The following CCDC150 variants were observed in gnomAD, a reference collection of about 807,000 sequenced individuals.
CCDC150 encodes the protein coiled-coil domain containing 150.
A neutral mutation model predicts 156.5 loss-of-function variants in CCDC150; 151 were observed. The ratio of observed to expected loss-of-function variants is 0.97; its 90% confidence interval spans 0.85 to 1.10. CCDC150 has a LOEUF of 1.10. Ranked by LOEUF, CCDC150 falls within the 50% of genes least tolerant of loss-of-function variation. The pLI, the probability that CCDC150 is intolerant of heterozygous loss-of-function variation, is 0.00. For missense variants in CCDC150, 1,312 were observed against 1,268.1 expected, an observed-to-expected ratio of 1.03 and a Z score of -0.53; for synonymous variants, 452 against 429.4, an observed-to-expected ratio of 1.05 and a Z score of -0.65.
intron 9 of CCDC150, among the ~76,000 whole-genome samples, chr2:196,672,819 G>C (rs1694286131): frequency 6.6e-6 from 1 of 152,164 alleles, no homozygotes; most frequent in African/African-American, 2.4e-5. Flanking sequence ...TAATTATACA[G>C]TAGGAACCTA....
chr2:196,641,894 A>T (rs1692252394), intron 1 of CCDC150, among the ~76,000 whole-genome samples: 1 of 152,088 alleles, frequency 6.6e-6, no homozygotes, highest in Admixed American at 6.5e-5. Flanking sequence ...GTAGGAATGG[A>T]GCCTGTGTCC....
rs1449000757 is a variant in CCDC150 at position 196,732,630 on chromosome 2, G to T, written c.*68G>T. 2.8e-6 allele frequency: 3 copies of T among 1,084,918 alleles called. No individual in the cohort carries two copies. Among genetic ancestry groups the T allele is most frequent in the East Asian group, 2.4e-5 (1 of 42,254 alleles). The allele number at this position is 1,084,918 out of a possible 1,614,324, so 67.2% of individuals were successfully genotyped here. The stretch of plus-strand genomic sequence containing the variant: ...TGATTCCAAGAGCCCAGCAGCCGGG[G>T]CTGGCCTGTTTCTAGAGTCATAAGA... On this transcript the variant is annotated 3_prime_UTR_variant, in exon 28 of 28. Transcript: ENST00000389175.
chr2:196,666,655 C>CT (rs1304971755), intron 6 of CCDC150, 64 bp from the exon 7 acceptor site: 19 of 1,356,514 alleles, frequency 1.4e-5, no homozygotes, highest in Non-Finnish European at 1.7e-5. Context: ...TATACATGTG[C>CT]TATAAGGCAG....
rs780858755 is a variant in CCDC150, at chr2:196,729,460, G to A, written c.2751+73G>A. ...TAGTCAGTCAATGGTGTCTAGGGAA[G>A]ACAGGTTTTAGAACCCTAGCAGCCC... On this transcript the variant is annotated intron_variant, in intron 23 of 27. Transcript: ENST00000389175. 23 of 1,471,928 alleles carry A rather than the reference G, an allele frequency of 1.6e-5. No homozygotes were observed. The African/African-American group carries it at 2.1e-4, about 13-fold the overall frequency. 91.2% of individuals were successfully genotyped at this position (1,471,928 alleles called of 1,614,324 possible).
chr2:196,676,966 C>T (rs766520713), intron 12 of CCDC150: 2 of 641,490 alleles, frequency 3.1e-6, no homozygotes, highest in Non-Finnish European at 5.7e-6. Context: ...GTAATTCACA[C>T]ATCCTGGTGT....
chr2:196,665,533 A>G (rs1025284090), intron 5 of CCDC150, 34 bp from the exon 6 acceptor site: 4 of 1,296,906 alleles, frequency 3.1e-6, no homozygotes, highest in East Asian at 2.4e-5. Context: ...AGTATGATCA[A>G]TTGGTCTTGC....
At position 196,712,203 on chromosome 2, in the gene CCDC150, A is replaced by G. The variant is rs781005190; in HGVS notation, c.1754A>G (p.Asn585Ser). 12 of 1,586,636 alleles carry G rather than the reference A, an allele frequency of 7.6e-6. No homozygotes were observed. Among genetic ancestry groups the G allele is most frequent in the Non-Finnish European group, 1.0e-5 (12 of 1,163,962 alleles). Residue 585 changes from asparagine (N) to serine (S), a missense_variant, in exon 16 of 28, where the codon AAT (asparagine) becomes AGT (serine). Asn to Ser is a conservative substitution (Grantham distance 46). Coordinates refer to ENST00000389175, the MANE Select transcript of CCDC150 (RefSeq NM_001080539.2). ...TCTTTTACTGACACCAGCTTACAGA[A>G]TGATCATCTACGCAAGATGAATAAG... ...VQSFTDTSLQNDHLRKMNKYL... is the reference protein window; with the variant it reads ...VQSFTDTSLQSDHLRKMNKYL...
chr2:196,660,730 A>G (rs145756439), intron 5 of CCDC150, among the ~76,000 whole-genome samples: 3 of 152,276 alleles, frequency 2.0e-5, no homozygotes, highest in African/African-American at 4.8e-5. Context: ...GTGTTATGCA[A>G]TTATTTTCCC....
chr2:196,732,343 C>T, intron 27 of CCDC150, 103 bp from the exon 28 acceptor site: 1 of 1,110,282 alleles, frequency 9.0e-7, no homozygotes, highest in Non-Finnish European at 1.3e-6. Flanking sequence ...AGATTAGAAT[C>T]ACTTGTCTTC....
intron 15 of CCDC150, among the ~76,000 whole-genome samples, chr2:196,701,528 G>C (rs1696206708): frequency 6.6e-6 from 1 of 152,194 alleles, no homozygotes; most frequent in South Asian, 2.1e-4. Flanking sequence ...AACAGACTCA[G>C]AGGCAATTGA....
intron 11 of CCDC150, 96 bp downstream of exon 11, chr2:196,676,363 T>G (rs936294712): frequency 6.7e-7 from 1 of 1,483,628 alleles, no homozygotes; most frequent in Non-Finnish European, 9.2e-7. Context: ...AATGAAAACA[T>G]TTGATTCTGC....
intron 13 of CCDC150, among the ~76,000 whole-genome samples, chr2:196,693,094 G>A (rs1019878323): frequency 2.0e-5 from 3 of 151,872 alleles, no homozygotes; most frequent in African/African-American, 2.4e-5. Flanking sequence ...TGTCTTTATT[G>A]GTTCAAAGTC....
chr2:196,642,957 G>A (rs1038238160), intron 1 of CCDC150, among the ~76,000 whole-genome samples: 4 of 152,112 alleles, frequency 2.6e-5, no homozygotes, highest in Non-Finnish European at 5.9e-5. Flanking sequence ...GGGCCAGGCT[G>A]GTCTGGAACT....
chr2:196,646,078 G>A (rs888892768), intron 1 of CCDC150, among the ~76,000 whole-genome samples: 26 of 152,322 alleles, frequency 1.7e-4, no homozygotes, highest in African/African-American at 6.3e-4. Flanking sequence ...TCTGTTTGAT[G>A]TCATTGTCAC....
chr2:196,709,184 T>C (rs985500580), intron 15 of CCDC150, among the ~76,000 whole-genome samples: 9 of 152,242 alleles, frequency 5.9e-5, no homozygotes, highest in African/African-American at 2.2e-4. Context: ...CCATATTTCT[T>C]GGAGGCTTTG....
At position 196,646,334 on chromosome 2, in the gene CCDC150, T is replaced by A. The variant is rs771097204; in HGVS notation, c.13-7T>A. 6.2e-7 allele frequency: 1 copy of A among 1,612,542 alleles called. No homozygotes were observed. The highest frequency in any genetic ancestry group is 8.5e-7 in the Non-Finnish European group (1 of 1,178,648). ...CTACCACACTAAGATTGTGACTGTA[T>A]TCTTAGGTACATATGGAAACTACAG... On this transcript the variant is annotated splice_region_variant and splice_polypyrimidine_tract_variant and intron_variant, in intron 1 of 27. Transcript: ENST00000389175.
At chr2:196,732,288 A>G (rs75295851) in intron 27 of CCDC150, 136 bp downstream of exon 27, 4 of 1,187,970 alleles carry the variant, frequency 3.4e-6, no homozygotes, top group Admixed American at 5.0e-5. Flanking sequence ...TAGGAAACCA[A>G]TTAATTTCTT....
intron 14 of CCDC150, among the ~76,000 whole-genome samples, chr2:196,697,701 A>T (rs968217278): frequency 1.3e-5 from 2 of 152,182 alleles, no homozygotes; most frequent in Admixed American, 1.3e-4. Flanking sequence ...ATAATAAAAA[A>T]CTTTAAAAAA....
intron 23 of CCDC150, 160 bp from the exon 24 acceptor site, chr2:196,729,633 T>A: frequency 1.5e-6 from 1 of 674,802 alleles, no homozygotes; most frequent in Non-Finnish European, 2.6e-6. Context: ...GTACTGGACT[T>A]TGCTCTTTTG....
Sources: gnomAD v4.1 joint callset for allele counts (sites outside exome capture counted in the v4.1 genomes callset) on GRCh38, gnomAD v4.1.1 for gene constraint, MANE v1.5 for transcripts, NCBI Gene and HGNC (gene_info 2026-07-23, HGNC 2026-07-21) for gene names.